REDIC1: variants seen among roughly 807,000 people sequenced by gnomAD.
REDIC1 encodes regulator of DNA class I crossover intermediates 1.
the REDIC1 span, among the ~76,000 whole-genome samples, chr12:39,746,532 C>A: frequency 6.6e-6 from 1 of 152,214 alleles, no homozygotes; most frequent in East Asian, 1.9e-4. Context: ...GCAGCAGAAA[C>A]CTCTGCAGAC....
chr12:39,891,750 G>A, the REDIC1 span, among the ~76,000 whole-genome samples: 1 of 152,168 alleles, frequency 6.6e-6, no homozygotes, highest in African/African-American at 2.4e-5. Flanking sequence ...GCTCAGATCA[G>A]GGCTCAGTCC....
the REDIC1 span, among the ~76,000 whole-genome samples, chr12:39,713,449 TATAC>T: frequency 6.7e-6 from 1 of 148,294 alleles, no homozygotes; most frequent in Admixed American, 6.7e-5. Flanking sequence ...TATACATATG[TATAC>T]ATACATTTGT....
the REDIC1 span, among the ~76,000 whole-genome samples, chr12:39,734,944 A>G: frequency 1.1e-4 from 16 of 152,328 alleles, no homozygotes; most frequent in South Asian, 1.0e-3. Context: ...TATCTTAATA[A>G]TGTTTAGTTT....
At chr12:39,700,782 C>G in the REDIC1 span, among the ~76,000 whole-genome samples, 2,098 of 148,516 alleles carry the variant, frequency 0.014, 33 homozygotes, top group Non-Finnish European at 0.021. Flanking sequence ...GGCCAATATT[C>G]AACATTCTTA....
At chr12:39,888,920 A>G in the REDIC1 span, among the ~76,000 whole-genome samples, 2 of 152,212 alleles carry the variant, frequency 1.3e-5, no homozygotes, top group African/African-American at 4.8e-5. Context: ...TCAGATTTCA[A>G]ATAAATATAT....
chr12:39,645,452 T>C, the REDIC1 span, among the ~76,000 whole-genome samples: 1 of 152,060 alleles, frequency 6.6e-6, no homozygotes, highest in South Asian at 2.1e-4. Flanking sequence ...ACTTGAATAC[T>C]ATCAAGATTC....
chr12:39,785,221 G>A, the REDIC1 span, among the ~76,000 whole-genome samples: 1 of 152,066 alleles, frequency 6.6e-6, no homozygotes, highest in Admixed American at 6.5e-5. Flanking sequence ...TGGTTTTCTG[G>A]GCCAGGCCTG....
At chr12:39,816,428 T>G in the REDIC1 span, among the ~76,000 whole-genome samples, 1 of 84,704 alleles carries the variant, frequency 1.2e-5, no homozygotes, top group Non-Finnish European at 2.2e-5. Flanking sequence ...CGGGGCCTGT[T>G]GTGGGGTGGG....
At chr12:39,779,101 G>C in the REDIC1 span, among the ~76,000 whole-genome samples, 2 of 152,198 alleles carry the variant, frequency 1.3e-5, no homozygotes, top group African/African-American at 4.8e-5. Flanking sequence ...GCTGGCATAA[G>C]TTGGATCTCA....
At chr12:39,627,450 T>C in the REDIC1 span, among the ~76,000 whole-genome samples, 591 of 152,336 alleles carry the variant, frequency 3.9e-3, 4 homozygotes, top group African/African-American at 0.013. Context: ...TGCTTAGCAC[T>C]ATTAAAATGT....
chr12:39,681,527 A>G, the REDIC1 span, among the ~76,000 whole-genome samples: 1 of 152,330 alleles, frequency 6.6e-6, no homozygotes, highest in South Asian at 2.1e-4. Flanking sequence ...AAGTGCATTT[A>G]CCTCTATTTT....
the REDIC1 span, among the ~76,000 whole-genome samples, chr12:39,741,245 T>C: frequency 6.6e-6 from 1 of 152,238 alleles, no homozygotes; most frequent in South Asian, 2.1e-4. Flanking sequence ...TCATTAAATT[T>C]ACATCTGTAT....
chr12:39,768,194 T>C, the REDIC1 span, among the ~76,000 whole-genome samples: 1 of 152,054 alleles, frequency 6.6e-6, no homozygotes, highest in Non-Finnish European at 1.5e-5. Context: ...CTTCCTCACC[T>C]CTCTCAGCCT....
the REDIC1 span, chr12:39,830,416 T>C: frequency 7.6e-7 from 1 of 1,311,094 alleles, no homozygotes. Flanking sequence ...CTTCGATTTC[T>C]CCCTCTTTTG....
the REDIC1 span, among the ~76,000 whole-genome samples, chr12:39,835,220 T>G: frequency 0.27 from 40,757 of 151,974 alleles, 5,945 homozygotes; most frequent in East Asian, 0.44. Context: ...AATTCTAGAC[T>G]TCAAAGTTTT....
chr12:39,767,201 G>A, the REDIC1 span, among the ~76,000 whole-genome samples: 1 of 152,030 alleles, frequency 6.6e-6, no homozygotes, highest in Non-Finnish European at 1.5e-5. Context: ...AATGGATGCT[G>A]TGTTAGCAGG....
the REDIC1 span, among the ~76,000 whole-genome samples, chr12:39,698,141 A>G: frequency 2.0e-5 from 3 of 152,308 alleles, no homozygotes; most frequent in African/African-American, 2.4e-5. Flanking sequence ...GACAAAAATT[A>G]TAAGAGACAA....
At chr12:39,853,664 C>A in the REDIC1 span, among the ~76,000 whole-genome samples, 3 of 149,680 alleles carry the variant, frequency 2.0e-5, no homozygotes, top group African/African-American at 7.4e-5. Context: ...AGTCAGACTG[C>A]TACAGCCTGG....
the REDIC1 span, among the ~76,000 whole-genome samples, chr12:39,766,681 C>T: frequency 4.6e-5 from 7 of 152,214 alleles, no homozygotes; most frequent in African/African-American, 1.4e-4. Context: ...ACTGCTTTGT[C>T]AACTAAGTTC....
Sources: allele counts gnomAD v4.1 joint callset (sites outside exome capture counted in the v4.1 genomes callset), GRCh38; gene constraint gnomAD v4.1.1; transcripts MANE v1.5; gene names NCBI Gene and HGNC (gene_info 2026-07-23, HGNC 2026-07-21).